Variants in ZNF469 observed in about 807,000 individuals in gnomAD.
ZNF469 encodes the protein zinc finger protein 469.
A neutral mutation model predicts 1.0 loss-of-function variants in ZNF469; 1 was observed. The observed-to-expected ratio is 1.00, with a 90% CI of 0.35 to 4.73. The LOEUF is 4.73. ZNF469 is among the 30% of genes most tolerant of loss of function. The pLI is 0.16. For synonymous variants in ZNF469, 2,703 were observed against 2,363.4 expected, an observed-to-expected ratio of 1.14 and a Z score of -4.17; for missense variants, 6,100 against 5,356.3, an observed-to-expected ratio of 1.14 and a Z score of -4.33.
At chr16:88,247,508 A>ATGAGTGAGTGAGTGAATGAG in the ZNF469 span, among the ~76,000 whole-genome samples, 2 of 137,272 alleles carry the variant, frequency 1.5e-5, no homozygotes, top group Non-Finnish European at 3.3e-5. Context: ...GAGTGAGGGA[A>ATGAGTGAGTGAGTGAATGAG]TGAGTGAGTG....
the ZNF469 span, among the ~76,000 whole-genome samples, chr16:88,303,826 C>G: frequency 3.3e-5 from 5 of 152,218 alleles, no homozygotes; most frequent in African/African-American, 9.6e-5. Flanking sequence ...TTCCTCTCAT[C>G]AGGAGGTTGT....
At chr16:88,293,094 ATGGATGGATGGG>A in the ZNF469 span, among the ~76,000 whole-genome samples, 1 of 152,150 alleles carries the variant, frequency 6.6e-6, no homozygotes, top group Non-Finnish European at 1.5e-5. Context: ...TGGTGGGTGG[ATGGATGGATGGG>A]TGGATGGGTG....
Position 88,436,172 on chromosome 16 carries a change from C to T in ZNF469, c.8702C>T (p.Pro2901Leu). 6.5e-7 allele frequency: 1 copy of T among 1,547,700 alleles called. No individual in the cohort carries two copies. Among genetic ancestry groups the T allele is most frequent in the Non-Finnish European group, 8.7e-7 (1 of 1,146,954 alleles). Residue 2901 changes from proline to leucine, a missense_variant, in exon 3 of 3, where the codon CCC becomes CTC. By Grantham distance (98) the Pro-to-Leu change is moderately conservative. Coordinates refer to ENST00000565624, the MANE Select transcript of ZNF469 (RefSeq NM_001367624.2). Reference sequence around the variant, plus strand: ...CCCAGCTTTGAGGAGGGCGGTGACCCCACGCTGGGCCCAGCCCGCCTGCCC... The same window carrying T: ...CCCAGCTTTGAGGAGGGCGGTGACCTCACGCTGGGCCCAGCCCGCCTGCCC... ...TQPSFEEGGD[P>L]TLGPARLPTD...
chr16:88,191,315 C>T, the ZNF469 span, among the ~76,000 whole-genome samples: 6 of 152,190 alleles, frequency 3.9e-5, no homozygotes, highest in South Asian at 2.1e-4. Context: ...GCCCAGGCCA[C>T]GGAGCTCTCG....
At chr16:88,386,603 G>T (rs1294432747) in intron 1 of ZNF469, among the ~76,000 whole-genome samples, 2 of 152,194 alleles carry the variant, frequency 1.3e-5, no homozygotes, top group Non-Finnish European at 2.9e-5. Context: ...CGGTGACTCG[G>T]AGGGTCCCGT....
chr16:88,265,692 C>G, the ZNF469 span, among the ~76,000 whole-genome samples: 4 of 152,226 alleles, frequency 2.6e-5, no homozygotes, highest in East Asian at 7.7e-4. Context: ...CCCGCCCGTC[C>G]TGGGTCACAG....
At chr16:88,348,994 C>A in the ZNF469 span, among the ~76,000 whole-genome samples, 23 of 152,334 alleles carry the variant, frequency 1.5e-4, no homozygotes, top group Admixed American at 5.9e-4. Context: ...TACGAGTCCT[C>A]GGCCCCTGCC....
chr16:88,398,028 C>T (rs1904740495), intron 1 of ZNF469, among the ~76,000 whole-genome samples: 1 of 152,242 alleles, frequency 6.6e-6, no homozygotes, highest in Non-Finnish European at 1.5e-5. Context: ...GGCCAGGCCT[C>T]CATTAGCCTC....
At chr16:88,117,381 T>A in the ZNF469 span, among the ~76,000 whole-genome samples, 27 of 152,148 alleles carry the variant, frequency 1.8e-4, no homozygotes, top group African/African-American at 5.3e-4. Context: ...AAATAAAAGT[T>A]TTTTTACAAA....
At chr16:88,112,289 G>A in the ZNF469 span, among the ~76,000 whole-genome samples, 3 of 152,108 alleles carry the variant, frequency 2.0e-5, no homozygotes, top group African/African-American at 7.2e-5. Flanking sequence ...CTTTCTTTTG[G>A]GTCTATACCA....
chr16:88,394,424 G>T (rs961093559), intron 1 of ZNF469, among the ~76,000 whole-genome samples: 1 of 152,224 alleles, frequency 6.6e-6, no homozygotes, highest in African/African-American at 2.4e-5. Flanking sequence ...CGGCATAACC[G>T]CAATAGTTTC....
chr16:88,124,316 C>T, the ZNF469 span, among the ~76,000 whole-genome samples: 1 of 152,188 alleles, frequency 6.6e-6, no homozygotes, highest in African/African-American at 2.4e-5. Context: ...TCACTGCAGC[C>T]TCCACCTTCT....
Position 88,438,418 on chromosome 16 carries a change from G to T in ZNF469, c.10948G>T (p.Val3650Leu), listed in dbSNP as rs767637123. The T allele has an allele frequency of 6.5e-6, 10 of 1,550,132 alleles. No homozygotes were observed. In the South Asian group the frequency reaches 8.3e-5, roughly 13 times the overall value. Residue 3650 changes from valine to leucine, a missense_variant, in exon 3 of 3, where the codon GTG (valine) becomes TTG (leucine). Coordinates refer to ENST00000565624, the MANE Select transcript of ZNF469 (RefSeq NM_001367624.2). ...CCACCTACTTCAGAAAGAGAAGGAG[G>T]TGTCCTCAAGCCACATGGTGTCTGA... ...EDHLLQKEKE[V>L]SSSHMVSEGG...
chr16:88,396,338 C>T (rs952935476), intron 1 of ZNF469, among the ~76,000 whole-genome samples: 1 of 152,232 alleles, frequency 6.6e-6, no homozygotes, highest in African/African-American at 2.4e-5. Flanking sequence ...AGAGACCCTC[C>T]TGCAGGGAGG....
chr16:88,172,482 A>T, the ZNF469 span, among the ~76,000 whole-genome samples: 19,017 of 152,188 alleles, frequency 0.12, 1,525 homozygotes, highest in African/African-American at 0.23. Flanking sequence ...AGAAAGATCG[A>T]ACTGATTCCA....
At chr16:88,196,480 G>C in the ZNF469 span, among the ~76,000 whole-genome samples, 47,712 of 152,056 alleles carry the variant, frequency 0.31, 7,767 homozygotes, top group African/African-American at 0.38. Flanking sequence ...CGTTCAGAAT[G>C]AACTCTGCAA....
the ZNF469 span, among the ~76,000 whole-genome samples, chr16:88,293,037 T>C: frequency 5.3e-5 from 8 of 152,076 alleles, no homozygotes; most frequent in African/African-American, 1.9e-4. Context: ...GCCAGAAACA[T>C]AAATTTACTT....
At chr16:88,255,805 T>G in the ZNF469 span, among the ~76,000 whole-genome samples, 36 of 152,256 alleles carry the variant, frequency 2.4e-4, 1 homozygote, top group South Asian at 7.5e-3. Context: ...ATCACAGCCT[T>G]AGGATGTTTC....
the ZNF469 span, among the ~76,000 whole-genome samples, chr16:88,123,630 G>T: frequency 6.6e-6 from 1 of 152,036 alleles, no homozygotes; most frequent in African/African-American, 2.4e-5. Flanking sequence ...TTTATCAGCA[G>T]CGCCAAACCC....
Sources: allele counts gnomAD v4.1 joint callset (sites outside exome capture counted in the v4.1 genomes callset), GRCh38; gene constraint gnomAD v4.1.1; transcripts MANE v1.5; gene names NCBI Gene and HGNC (gene_info 2026-07-23, HGNC 2026-07-21).